Variants in RPS6KA2 observed in about 807,000 individuals in gnomAD.
RPS6KA2 encodes the protein ribosomal protein S6 kinase A2, also known as ribosomal protein S6 kinase alpha-2.
Under a neutral mutation model 91.8 loss-of-function variants are expected in RPS6KA2, and 42 were observed. That is an observed-to-expected ratio of 0.46 (90% CI 0.36 to 0.59). The LOEUF is 0.59. Ranked by LOEUF, RPS6KA2 falls within the 20% of genes least tolerant of loss-of-function variation. The pLI, the probability that RPS6KA2 is intolerant of heterozygous loss-of-function variation, is 0.00. For missense variants in RPS6KA2, 798 were observed against 978.5 expected (o/e 0.82, Z 2.46); for synonymous variants, 414 against 393.6 (o/e 1.05, Z -0.61).
At chr6:166,669,970 T>A (rs914713006) in intron 2 of RPS6KA2, among the ~76,000 whole-genome samples, 1 of 152,286 alleles carries the variant, frequency 6.6e-6, no homozygotes, top group South Asian at 2.1e-4. Flanking sequence ...CCACTGTGGG[T>A]TGAGGGTTGC....
chr6:166,834,389 T>C (rs1323844227), intron 2 of RPS6KA2, among the ~76,000 whole-genome samples: 1 of 151,888 alleles, frequency 6.6e-6, no homozygotes, highest in Admixed American at 6.6e-5. Context: ...TGTTCTCTCT[T>C]ATAAATGGGA....
At chr6:166,785,825 G>GT (rs1778914326) in intron 2 of RPS6KA2, among the ~76,000 whole-genome samples, 1 of 152,172 alleles carries the variant, frequency 6.6e-6, no homozygotes, top group Non-Finnish European at 1.5e-5. Context: ...ATTCAAATAT[G>GT]TTTTTAGGAC....
rs1182578202 is a variant in RPS6KA2 at position 166,433,868 on chromosome 6, C to T, written c.1333-1378G>A. Among the ~76,000 whole-genome samples the T allele has an allele frequency of 2.6e-5, 4 of 152,140 alleles. No homozygotes were observed. Among genetic ancestry groups the T allele is most frequent in the Non-Finnish European group, 5.9e-5 (4 of 68,030 alleles). On this transcript the variant is annotated intron_variant, in intron 14 of 20. Coordinates refer to ENST00000265678, the MANE Select transcript of RPS6KA2 (RefSeq NM_021135.6). This position sits in a 1 kb window ranked among gnomAD's most constrained non-coding sequence, Gnocchi z 4.4. ...CCCCTGGGCTCAAGTGATCCTCCTGCCTCAGCCTCCAGAATAACTAGGACT... is the reference window on the plus strand; with the variant it reads ...CCCCTGGGCTCAAGTGATCCTCCTGTCTCAGCCTCCAGAATAACTAGGACT...
At chr6:166,631,608 A>G (rs187176631), upstream of RPS6KA2, among the ~76,000 whole-genome samples, 136 of 152,366 alleles carry the variant, frequency 8.9e-4, no homozygotes, top group Non-Finnish European at 1.8e-3. Context: ...AGAGAGGCTG[A>G]TCAAATAACT....
rs764188244 is a variant in RPS6KA2 at position 166,419,961 on chromosome 6, A to T, written c.1744-3T>A. 1 of 1,613,468 alleles carries T rather than the reference A, an allele frequency of 6.2e-7. No homozygotes were observed. The highest frequency in any genetic ancestry group is 1.1e-5 in the South Asian group (1 of 91,066). On this transcript the variant is annotated splice_region_variant and splice_polypyrimidine_tract_variant and intron_variant, in intron 17 of 20. Coordinates refer to ENST00000265678, the MANE Select transcript of RPS6KA2 (RefSeq NM_021135.6). The surrounding 1 kb of genome is among the most constrained non-coding windows in gnomAD (Gnocchi z 5.6). Reference sequence around the variant, plus strand: ...TCATAGCCTTGACGCTTCAGGACCTAGGAGGGAACGACAGGACACCGGCAC... The same window carrying T: ...TCATAGCCTTGACGCTTCAGGACCTTGGAGGGAACGACAGGACACCGGCAC...
intron 1 of RPS6KA2, among the ~76,000 whole-genome samples, chr6:166,574,344 T>C (rs1293419446): frequency 1.3e-5 from 2 of 152,182 alleles, no homozygotes; most frequent in Non-Finnish European, 2.9e-5. Flanking sequence ...CCCCAGCGTC[T>C]GTTGTTCCCA....
At chr6:166,592,049 A>G (rs1260137145) in intron 1 of RPS6KA2, among the ~76,000 whole-genome samples, 1 of 152,254 alleles carries the variant, frequency 6.6e-6, no homozygotes. Flanking sequence ...ATCACCAGCC[A>G]GGGCGCAGCA....
At chr6:166,799,168 T>C (rs758391354) in intron 2 of RPS6KA2, among the ~76,000 whole-genome samples, 5 of 152,218 alleles carry the variant, frequency 3.3e-5, no homozygotes, top group Admixed American at 1.3e-4. Context: ...AAAATGAAAC[T>C]AGAGAAAATC....
At chr6:166,489,022 C>T in intron 9 of RPS6KA2, 101 bp from the exon 10 acceptor site, 1 of 971,534 alleles carries the variant, frequency 1.0e-6, no homozygotes, top group African/African-American at 1.6e-5. Flanking sequence ...CGCAGTCACC[C>T]AGAGCAGCCC....
At chr6:166,701,076 T>C (rs956161107) in intron 2 of RPS6KA2, 2 of 1,564,112 alleles carry the variant, frequency 1.3e-6, no homozygotes, top group Admixed American at 1.7e-5. Context: ...GCCTCCGTGG[T>C]GGGCTGTTTC....
At chr6:166,481,076 G>A (rs1781199080) in intron 10 of RPS6KA2, among the ~76,000 whole-genome samples, 1 of 152,182 alleles carries the variant, frequency 6.6e-6, no homozygotes, top group Non-Finnish European at 1.5e-5. Context: ...CTGAAATTAA[G>A]CTACAGTGAA....
rs1249131598 is a variant in RPS6KA2, at chr6:166,450,090, G to C, written c.1206+1013C>G. On this transcript the variant is annotated intron_variant, in intron 13 of 20. Transcript: ENST00000265678. ...AGGAGACCATCATGGGTACCACCGG[G>C]GAACCACCATGGGGACCAACATGGA... Among the ~76,000 whole-genome samples, 7 of 147,352 alleles carry C rather than the reference G, an allele frequency of 4.8e-5. 1 individual carries two copies. The highest frequency in any genetic ancestry group is 1.8e-4 in the African/African-American group (7 of 39,476).
chr6:166,637,077 C>A (rs1787268933), intron 2 of RPS6KA2, among the ~76,000 whole-genome samples: 1 of 152,182 alleles, frequency 6.6e-6, no homozygotes, highest in African/African-American at 2.4e-5. Context: ...GAGGTGCCGC[C>A]TCTGTTGTTG....
intron 2 of RPS6KA2, among the ~76,000 whole-genome samples, chr6:166,650,560 C>T (rs926585704): frequency 2.0e-5 from 3 of 152,144 alleles, no homozygotes; most frequent in South Asian, 4.1e-4. Context: ...CCATCACTTC[C>T]GGGTCAGGAA....
chr6:166,721,925 C>T (rs922148566), intron 2 of RPS6KA2, among the ~76,000 whole-genome samples: 1 of 152,172 alleles, frequency 6.6e-6, no homozygotes, highest in Non-Finnish European at 1.5e-5. Context: ...CATGCTTCCT[C>T]GCCGGCAGGG....
At position 166,732,776 on chromosome 6, in the gene RPS6KA2, TGATGACAGGGG is replaced by T. The variant is rs560312922; in HGVS notation, c.123+125413_123+125423del. ...GGTCAGAGCCTCTTCCTACCAGAGG[TGATGACAGGGG>T]GATGACAGGGGGAGCTGTGAAGGCC... On this transcript the variant is annotated intron_variant, in intron 2 of 21. Coordinates refer to the RPS6KA2 transcript ENST00000503859. The surrounding 1 kb of genome is among the most constrained non-coding windows in gnomAD (Gnocchi z 4.0). Among the ~76,000 whole-genome samples the T allele has an allele frequency of 2.4e-4, 36 of 151,832 alleles. No individual in the cohort carries two copies. Among genetic ancestry groups the T allele is most frequent in the African/African-American group, 8.7e-4 (36 of 41,400 alleles).
chr6:166,487,628 C>T (rs1191771288), intron 10 of RPS6KA2, among the ~76,000 whole-genome samples: 1 of 152,066 alleles, frequency 6.6e-6, no homozygotes, highest in African/African-American at 2.4e-5. Context: ...GATGAATCTG[C>T]AGGAAGGAAG....
In RPS6KA2 at chr6:166,508,132, C is replaced by A; in HGVS notation, c.459+71G>T. 1 of 982,274 alleles carries A rather than the reference C, an allele frequency of 1.0e-6. No homozygotes were observed. The highest frequency in any genetic ancestry group is 1.6e-6 in the Non-Finnish European group (1 of 624,160). The allele number at this position is 982,274 out of a possible 1,614,324, so 60.8% of individuals were successfully genotyped here. A position where few individuals can be genotyped will look rare whatever the true frequency, so the allele number is the denominator to read the frequency against. On this transcript the variant is annotated intron_variant, in intron 5 of 20. Transcript: ENST00000265678. The surrounding 1 kb of genome is among the most constrained non-coding windows in gnomAD (Gnocchi z 4.3). ...GTGCTCACGTCCTCTCAATGCTCTC[C>A]ACCCCTCCTCCCCTCGAGTCCCAGA...
intron 2 of RPS6KA2, among the ~76,000 whole-genome samples, chr6:166,773,831 C>T (rs960515046): frequency 1.9e-4 from 29 of 152,118 alleles, no homozygotes; most frequent in Non-Finnish European, 2.8e-4. Flanking sequence ...AAAAAACTAC[C>T]GTTGAGATGA....
Sources: gnomAD v4.1 joint callset for allele counts (sites outside exome capture counted in the v4.1 genomes callset) on GRCh38, gnomAD v4.1.1 for gene constraint, Gnocchi (gnomAD v3.1) non-coding constraint, MANE v1.5 for transcripts, NCBI Gene and HGNC (gene_info 2026-07-23, HGNC 2026-07-21) for gene names.